MICAL3: variants seen among roughly 807,000 people sequenced by gnomAD.
The protein encoded by MICAL3 is [F-actin]-monooxygenase MICAL3.
In MICAL3, 62 loss-of-function variants were observed where a neutral mutation model predicts 207.4. That is an observed-to-expected ratio of 0.30 (90% confidence interval 0.24 to 0.37). The LOEUF (loss-of-function observed/expected upper bound fraction) is 0.37. Ranked by LOEUF, MICAL3 falls within the 10% of genes least tolerant of loss-of-function variation. The probability of loss-of-function intolerance (pLI) is 1.00; values close to 1 mark genes in which losing one functional copy is unlikely to be tolerated. For missense variants in MICAL3, 2,368 were observed against 2,635.6 expected (o/e 0.90, Z 2.22); for synonymous variants, 1,077 against 1,069.3 (o/e 1.01, Z -0.14).
chr22:17,836,060 C>T (rs1923328577), intron 20 of MICAL3, among the ~76,000 whole-genome samples: 1 of 152,064 alleles, frequency 6.6e-6, no homozygotes, highest in African/African-American at 2.4e-5. Context: ...AGTTTATACC[C>T]AGCTACTCAA....
rs559918504 is a variant in MICAL3, at chr22:17,841,440, C to T, written c.2801+382G>A. 128 of 407,232 alleles carry T rather than the reference C, an allele frequency of 3.1e-4. No individual in the cohort carries two copies. The East Asian group carries it at 3.3e-3, about 11-fold the overall frequency. 25.2% of individuals were successfully genotyped at this position (407,232 alleles called of 1,614,324 possible). On this transcript the variant is annotated intron_variant, in intron 20 of 31. Coordinates refer to ENST00000441493, the MANE Select transcript of MICAL3 (RefSeq NM_015241.3). The surrounding 1 kb of genome is among the most constrained non-coding windows in gnomAD (Gnocchi z 4.2). ...AAAGATGCCTGGGGGACGGACTAGG[C>T]CTCCCTCAAGACGGCCCGGTGCACT...
In MICAL3 at chr22:17,819,128, C is replaced by A. The variant is rs1225729504; in HGVS notation, c.3533G>T (p.Gly1178Val). 2.0e-6 allele frequency: 3 copies of A among 1,476,220 alleles called. No homozygotes were observed. Among genetic ancestry groups the A allele is most frequent in the Non-Finnish European group, 1.8e-6 (2 of 1,110,218 alleles). 91.4% of individuals were successfully genotyped at this position (1,476,220 alleles called of 1,614,324 possible). A position where few individuals can be genotyped will look rare whatever the true frequency, so the allele number is the denominator to read the frequency against. The change falls in exon 26 of 32, where the codon GGG becomes GTG. Residue 1178 changes from glycine (G) to valine (V), a missense_variant and splice_region_variant. Around this residue, in one of 4 missense-constraint regions of MICAL3, gnomAD observed 1,770 missense variants for 1,863.2 expected, o/e 0.95. Transcript: ENST00000441493. ...FIPVHSPSTE[G>V]PQLPPVPAAT... ...GGCAGGGACAGGTGGGAGTTGGGGC[C>A]CCTACAGGGAAGGAAGACAGAAGCC...
intron 18 of MICAL3, among the ~76,000 whole-genome samples, chr22:17,865,647 G>A (rs901744427): frequency 4.5e-4 from 69 of 152,208 alleles, no homozygotes; most frequent in African/African-American, 1.5e-3. Flanking sequence ...GTGTGTTGAC[G>A]AAGGCAGATG....
Position 17,827,870 on chromosome 22 carries a change from A to G in MICAL3, c.3056-89T>C. 13 of 1,381,974 alleles carry G rather than the reference A, an allele frequency of 9.4e-6. 1 individual carries two copies. The South Asian group carries it at 1.6e-4, about 17-fold the overall frequency. The allele number at this position is 1,381,974 out of a possible 1,614,324, so 85.6% of individuals were successfully genotyped here. A position where few individuals can be genotyped will look rare whatever the true frequency, so the allele number is the denominator to read the frequency against. ...GAAAGGAAACAGAAAGAGAAGTTAC[A>G]GCATTGGCCAGGGTCAGTATGAATC... On this transcript the variant is annotated intron_variant, in intron 21 of 31. Transcript: ENST00000441493.
chr22:17,984,279 G>T (rs1569157404), intron 1 of MICAL3, among the ~76,000 whole-genome samples: 1 of 152,320 alleles, frequency 6.6e-6, no homozygotes, highest in East Asian at 1.9e-4. Context: ...GGGTGCTGAG[G>T]AAGGAAAGGA....
intron 1 of MICAL3, among the ~76,000 whole-genome samples, chr22:17,907,181 A>G (rs531026314): frequency 1.3e-5 from 2 of 151,972 alleles, no homozygotes; most frequent in South Asian, 4.2e-4. Flanking sequence ...CCATCTCGGA[A>G]ACAGAGAAAG....
At chr22:18,017,591 A>AT (rs55877126) in intron 1 of MICAL3, among the ~76,000 whole-genome samples, 6 of 149,542 alleles carry the variant, frequency 4.0e-5, no homozygotes, top group African/African-American at 9.9e-5. Flanking sequence ...ATTTGATAGA[A>AT]TTTTTTTTTC....
At chr22:17,998,557 A>ATTTTTT (rs1475135552) in intron 1 of MICAL3, among the ~76,000 whole-genome samples, 2 of 136,600 alleles carry the variant, frequency 1.5e-5, no homozygotes, top group African/African-American at 2.6e-5. Flanking sequence ...AATTATTATT[A>ATTTTTT]TTATTATTTT....
chr22:18,011,105 AC>A (rs1923690585), intron 1 of MICAL3, among the ~76,000 whole-genome samples: 1 of 152,164 alleles, frequency 6.6e-6, no homozygotes, highest in South Asian at 2.1e-4. Context: ...CCATGTGAGC[AC>A]CAGCAATTGC....
rs1315746280 is a variant in MICAL3, at chr22:17,872,626, C to T, written c.2242-603G>A. 4.4e-6 allele frequency: 3 copies of T among 678,924 alleles called. No homozygotes were observed. In the African/African-American group the frequency reaches 5.4e-5, roughly 12 times the overall value. The allele number at this position is 678,924 out of a possible 1,614,324, so 42.1% of individuals were successfully genotyped here. A position where few individuals can be genotyped will look rare whatever the true frequency, so the allele number is the denominator to read the frequency against. ...ATTTGGTTATCAAAACCCAGACAAC[C>T]TCAAAAGCAATTACCGCATAGCATA... On this transcript the variant is annotated intron_variant, in intron 16 of 31. Coordinates refer to ENST00000441493, the MANE Select transcript of MICAL3 (RefSeq NM_015241.3).
chr22:17,798,899 T>G (rs2061907275), intron 29 of MICAL3, among the ~76,000 whole-genome samples: 1 of 151,946 alleles, frequency 6.6e-6, no homozygotes, highest in South Asian at 2.1e-4. Flanking sequence ...GGTCTCGATC[T>G]CCTGACCTTG....
intron 19 of MICAL3, chr22:17,861,984 A>C: frequency 3.0e-6 from 3 of 985,482 alleles, no homozygotes; most frequent in Non-Finnish European, 3.6e-6. Flanking sequence ...GAAAAAGAAC[A>C]TAAAGGAGAA....
intron 1 of MICAL3, among the ~76,000 whole-genome samples, chr22:17,907,870 T>C (rs1377525501): frequency 6.6e-6 from 1 of 152,178 alleles, no homozygotes; most frequent in African/African-American, 2.4e-5. Context: ...GTTGGGAGAC[T>C]TCACAGTCAT....
intron 22 of MICAL3, 144 bp downstream of exon 22, chr22:17,827,496 AACTG>A (rs1922326922): frequency 6.5e-6 from 5 of 764,902 alleles, no homozygotes; most frequent in African/African-American, 1.8e-5. Context: ...CAGGTGTCAC[AACTG>A]ACAGCAGCAA....
At chr22:17,909,862 T>C (rs980762526) in intron 1 of MICAL3, among the ~76,000 whole-genome samples, 4 of 152,226 alleles carry the variant, frequency 2.6e-5, no homozygotes, top group Non-Finnish European at 5.9e-5. Flanking sequence ...CACCATTTTC[T>C]ACATCAGGGA....
intron 1 of MICAL3, among the ~76,000 whole-genome samples, chr22:17,973,085 T>C (rs1935491142): frequency 6.6e-6 from 1 of 152,246 alleles, no homozygotes; most frequent in South Asian, 2.1e-4. Flanking sequence ...CCGAGCCTAC[T>C]TGCTGTGGGT....
chr22:18,022,082 T>TA (rs1307170340), intron 1 of MICAL3, among the ~76,000 whole-genome samples: 6 of 152,186 alleles, frequency 3.9e-5, no homozygotes, highest in Admixed American at 1.3e-4. Flanking sequence ...AGACCTTATC[T>TA]AATTTCCTTG....
chr22:17,963,724 T>C (rs1076543), intron 1 of MICAL3, among the ~76,000 whole-genome samples: 30,446 of 152,142 alleles, frequency 0.2, 3,208 homozygotes, highest in Middle Eastern at 0.27. Flanking sequence ...AAGACACAGC[T>C]ACCCATGCTG....
rs764455637 is a variant in MICAL3, at chr22:17,893,849, C to A, written c.1505G>T (p.Ser502Ile). Reference sequence around the variant, plus strand: ...GGGGGTGGTTCGGGAATTCACCAGGCTCTCCATTTCCAGGTGAATATCTTT... The same window carrying A: ...GGGGGTGGTTCGGGAATTCACCAGGATCTCCATTTCCAGGTGAATATCTTT... Reference protein sequence around the residue: ...ETKDIHLEMESLVNSRTTPKL... With the variant: ...ETKDIHLEMEILVNSRTTPKL... Residue 502 changes from serine to isoleucine, a missense_variant, in exon 11 of 32, where the codon AGC becomes ATC. Physicochemically the swap from Ser to Ile is moderately radical, Grantham distance 142. This residue lies in a region of MICAL3 where 147 missense variants were observed against 137.7 expected (regional missense o/e 1.07). Transcript: ENST00000441493. 1.3e-6 allele frequency: 2 copies of A among 1,577,024 alleles called. No individual in the cohort carries two copies. Among genetic ancestry groups the A allele is most frequent in the Non-Finnish European group, 1.7e-6 (2 of 1,159,902 alleles).
Sources: gnomAD v4.1 joint callset for allele counts (sites outside exome capture counted in the v4.1 genomes callset) on GRCh38, gnomAD v4.1.1 for gene constraint, gnomAD v4.1.1 regional missense constraint, Gnocchi (gnomAD v3.1) non-coding constraint, MANE v1.5 for transcripts, NCBI Gene and HGNC (gene_info 2026-07-23, HGNC 2026-07-21) for gene names.